Variants in RNF216 observed in about 807,000 individuals in gnomAD.
The protein encoded by RNF216 is E3 ubiquitin-protein ligase RNF216.
A neutral mutation model predicts 110.8 loss-of-function variants in RNF216; 72 were observed. The observed-to-expected ratio is 0.65, with a 90% CI of 0.54 to 0.79. The LOEUF is 0.79. RNF216 is among the 30% of genes least tolerant of loss of function. RNF216 has a pLI of 0.00. For synonymous variants in RNF216, 495 were observed against 407.5 expected (o/e 1.21, Z -2.59); for missense variants, 1,342 against 1,141.2 (o/e 1.18, Z -2.54).
intron 15 of RNF216, among the ~76,000 whole-genome samples, chr7:5,626,412 TA>T (rs746722830): frequency 0.046 from 4,834 of 105,638 alleles, 242 homozygotes; most frequent in Admixed American, 0.2. Flanking sequence ...GAAAAAAGAC[TA>T]AAAAAAAAAA....
At chr7:5,649,945 G>C (rs561358559) in intron 14 of RNF216, 3 of 152,210 alleles carry the variant, frequency 2.0e-5, no homozygotes, top group African/African-American at 4.8e-5. Flanking sequence ...CCTTGATTAT[G>C]TCGTTCAATA....
At chr7:5,637,600 G>A (rs1179690035) in intron 15 of RNF216, among the ~76,000 whole-genome samples, 1 of 152,184 alleles carries the variant, frequency 6.6e-6, no homozygotes, top group Non-Finnish European at 1.5e-5. Flanking sequence ...AGGCAGAAGT[G>A]TAGTGGCGCA....
intron 4 of RNF216, 95 bp downstream of exon 4, chr7:5,740,878 G>T (rs1199833309): frequency 1.7e-6 from 2 of 1,178,480 alleles, no homozygotes; most frequent in African/African-American, 1.6e-5. Flanking sequence ...TGAAGTCCAC[G>T]CATACCAACA....
chr7:5,762,530 A>T (rs181230522), intron 1 of RNF216, among the ~76,000 whole-genome samples: 3,018 of 151,710 alleles, frequency 0.02, 47 homozygotes, highest in Non-Finnish European at 0.032. Flanking sequence ...AATAAATAAT[A>T]AAAATACAAA....
At chr7:5,740,897 T>C in intron 4 of RNF216, 76 bp downstream of exon 4, 1 of 1,434,010 alleles carries the variant, frequency 7.0e-7, no homozygotes, top group Non-Finnish European at 9.3e-7. Context: ...CAACTTTTTT[T>C]TTTGCAATGA....
chr7:5,628,988 G>A (rs2051979970), intron 15 of RNF216, among the ~76,000 whole-genome samples: 1 of 151,918 alleles, frequency 6.6e-6, no homozygotes, highest in African/African-American at 2.4e-5. Flanking sequence ...CTTGAGGCCA[G>A]GAGTTAAGAG....
intron 15 of RNF216, among the ~76,000 whole-genome samples, chr7:5,640,830 T>C (rs1244177386): frequency 2.6e-5 from 4 of 152,214 alleles, no homozygotes; most frequent in Non-Finnish European, 5.9e-5. Flanking sequence ...CCGTCAGGCT[T>C]TGGAATCAGC....
intron 3 of RNF216, among the ~76,000 whole-genome samples, chr7:5,745,663 G>A (rs995304119): frequency 7.2e-5 from 11 of 152,052 alleles, no homozygotes; most frequent in Admixed American, 6.6e-5. Context: ...ACTTTGGGAG[G>A]CTGAGGTGGG....
chr7:5,625,994 T>TTGC (rs1786680024), intron 15 of RNF216, among the ~76,000 whole-genome samples: 1 of 152,234 alleles, frequency 6.6e-6, no homozygotes, highest in Admixed American at 6.5e-5. Flanking sequence ...AGGAGCCTCC[T>TTGC]TGCTGCTGCC....
At chr7:5,763,007 C>A (rs1354464578) in intron 1 of RNF216, among the ~76,000 whole-genome samples, 6 of 152,078 alleles carry the variant, frequency 3.9e-5, no homozygotes, top group Non-Finnish European at 8.8e-5. Flanking sequence ...AGCAATGGAA[C>A]AGAAACACAG....
chr7:5,685,540 C>T (rs1256100342), intron 13 of RNF216, among the ~76,000 whole-genome samples: 1 of 152,206 alleles, frequency 6.6e-6, no homozygotes, highest in East Asian at 1.9e-4. Flanking sequence ...TGAACTACAT[C>T]AAGGCAAATT....
At chr7:5,686,226 A>G (rs1353211112) in intron 13 of RNF216, among the ~76,000 whole-genome samples, 2 of 125,894 alleles carry the variant, frequency 1.6e-5, no homozygotes, top group Non-Finnish European at 3.1e-5. Context: ...TCTGTTATTA[A>G]AAAAAAAAAA....
At position 5,624,817 on chromosome 7, in the gene RNF216, G is replaced by T. The variant is rs1385910545; in HGVS notation, c.2383-692C>A. 6.6e-6 allele frequency among the ~76,000 whole-genome samples: 1 copy of T among 152,244 alleles called. No homozygotes were observed. The highest frequency in any genetic ancestry group is 1.5e-5 in the Non-Finnish European group (1 of 68,044). On this transcript the variant is annotated intron_variant, in intron 15 of 16. Transcript: ENST00000389902. The surrounding 1 kb of genome is among the most constrained non-coding windows in gnomAD (Gnocchi z 4.4). Reference sequence around the variant, plus strand: ...TGCAGGCAGATGTGGGAGCTGTGCTGGGAAACTCAGGGGCCACACTGGGCA... The same window carrying T: ...TGCAGGCAGATGTGGGAGCTGTGCTTGGAAACTCAGGGGCCACACTGGGCA...
chr7:5,637,458 G>C (rs890262475), intron 15 of RNF216, among the ~76,000 whole-genome samples: 11 of 152,208 alleles, frequency 7.2e-5, no homozygotes, highest in African/African-American at 2.4e-4. Flanking sequence ...AGCTTGTTCC[G>C]TGATAGAACA....
intron 13 of RNF216, among the ~76,000 whole-genome samples, chr7:5,691,176 C>T (rs555671485): frequency 3.3e-5 from 5 of 152,298 alleles, no homozygotes; most frequent in South Asian, 4.1e-4. Flanking sequence ...CGTGACAGCA[C>T]TTCTGCTCAT....
intron 7 of RNF216, among the ~76,000 whole-genome samples, chr7:5,727,695 C>T (rs1441217993): frequency 6.6e-6 from 1 of 152,136 alleles, no homozygotes; most frequent in African/African-American, 2.4e-5. Context: ...GGCCACTGTA[C>T]TCCAGCCTGG....
intron 3 of RNF216, among the ~76,000 whole-genome samples, chr7:5,744,523 G>T (rs939274190): frequency 6.6e-6 from 1 of 152,010 alleles, no homozygotes; most frequent in Non-Finnish European, 1.5e-5. Context: ...AACTAAATAA[G>T]GGAAAAAACA....
intron 8 of RNF216, among the ~76,000 whole-genome samples, chr7:5,723,557 G>A (rs1481983554): frequency 4.6e-5 from 7 of 151,986 alleles, no homozygotes; most frequent in Non-Finnish European, 1.0e-4. Flanking sequence ...TGAGGTAGGA[G>A]AATGGCGTGA....
In RNF216 at chr7:5,746,856, GAAATTCACTTGA is replaced by G. The variant is rs895323036; in HGVS notation, c.202-5053_202-5042del. 1.1e-4 allele frequency among the ~76,000 whole-genome samples: 16 copies of G among 152,272 alleles called. No individual in the cohort carries two copies. In the East Asian group the frequency reaches 3.1e-3, roughly 29 times the overall value. ...CAGATGAAAAAGAGTGTTCATCCAA[GAAATTCACTTGA>G]ATCCTAAGACTCCAAATTACACGGA... On this transcript the variant is annotated intron_variant, in intron 3 of 16. Coordinates refer to ENST00000389902, the MANE Select transcript of RNF216 (RefSeq NM_207111.4).
Sources: allele counts gnomAD v4.1 joint callset (sites outside exome capture counted in the v4.1 genomes callset), GRCh38; gene constraint gnomAD v4.1.1; non-coding constraint Gnocchi (gnomAD v3.1); transcripts MANE v1.5; gene names NCBI Gene and HGNC (gene_info 2026-07-23, HGNC 2026-07-21).